The following CADPS variants were observed in gnomAD, a reference collection of about 807,000 sequenced individuals.
CADPS encodes calcium dependent secretion activator.
Under a neutral mutation model 167.3 loss-of-function variants are expected in CADPS, and 57 were observed. That is an observed-to-expected ratio of 0.34 (90% confidence interval 0.28 to 0.42). CADPS has a LOEUF of 0.42. CADPS is among the 20% of genes least tolerant of loss of function. The pLI, the probability that CADPS is intolerant of heterozygous loss-of-function variation, is 1.00. For synonymous variants in CADPS, 676 were observed against 635.3 expected (o/e 1.06, Z -0.96); for missense variants, 1,414 against 1,738.1 (o/e 0.81, Z 3.32).
At chr3:62,610,126 A>C (rs1424488949) in intron 6 of CADPS, among the ~76,000 whole-genome samples, 3 of 152,034 alleles carry the variant, frequency 2.0e-5, no homozygotes, top group Admixed American at 1.3e-4. Context: ...AAAAAACAAC[A>C]AAAAACAAAC....
In CADPS at chr3:62,514,120, T is replaced by A. The variant is rs2068457824; in HGVS notation, c.2582-1352A>T. Among the ~76,000 whole-genome samples the A allele has an allele frequency of 6.6e-6, 1 of 152,090 alleles. No individual in the cohort carries two copies. Among genetic ancestry groups the A allele is most frequent in the African/African-American group, 2.4e-5 (1 of 41,442 alleles). Reference sequence around the variant, plus strand: ...ACAACTTCTTTCCAGAATTCTCAGATAACAAAGCTGTTAATTCTCACAGAG... The same window carrying A: ...ACAACTTCTTTCCAGAATTCTCAGAAAACAAAGCTGTTAATTCTCACAGAG... On this transcript the variant is annotated intron_variant, in intron 16 of 29. Transcript: ENST00000383710. This position sits in a 1 kb window ranked among gnomAD's most constrained non-coding sequence, Gnocchi z 4.2.
chr3:62,472,564 G>C (rs571634012), intron 24 of CADPS, among the ~76,000 whole-genome samples: 7 of 152,172 alleles, frequency 4.6e-5, no homozygotes, highest in Non-Finnish European at 7.4e-5. Context: ...GCAGAGCAGA[G>C]GGCCACCTGG....
chr3:62,511,714 C>G (rs1577036929), intron 17 of CADPS, among the ~76,000 whole-genome samples: 1 of 151,952 alleles, frequency 6.6e-6, no homozygotes, highest in Admixed American at 6.6e-5. Context: ...TCTGACAATG[C>G]CCCATCCCTT....
intron 8 of CADPS, among the ~76,000 whole-genome samples, chr3:62,573,108 T>C (rs548809673): frequency 6.6e-6 from 1 of 152,242 alleles, no homozygotes; most frequent in Admixed American, 6.5e-5. Flanking sequence ...TCTCGAACTC[T>C]TGACCTCAGG....
intron 20 of CADPS, among the ~76,000 whole-genome samples, chr3:62,491,873 G>C (rs2063802543): frequency 6.6e-6 from 1 of 151,960 alleles, no homozygotes; most frequent in Non-Finnish European, 1.5e-5. Flanking sequence ...CACCCTCCCT[G>C]GGGAGGAAGG....
At chr3:62,644,653 T>G (rs1403625097) in intron 6 of CADPS, among the ~76,000 whole-genome samples, 1 of 152,202 alleles carries the variant, frequency 6.6e-6, no homozygotes, top group East Asian at 1.9e-4. Context: ...TGGCCTCTTT[T>G]GAATTTCTCC....
At chr3:62,659,544 C>A (rs2072629655) in intron 4 of CADPS, among the ~76,000 whole-genome samples, 1 of 152,106 alleles carries the variant, frequency 6.6e-6, no homozygotes, top group Non-Finnish European at 1.5e-5. Context: ...GACTCTGTCT[C>A]TGTTTCTATG....
At chr3:62,648,816 G>A (rs1273451081) in intron 5 of CADPS, among the ~76,000 whole-genome samples, 1 of 152,046 alleles carries the variant, frequency 6.6e-6, no homozygotes, top group African/African-American at 2.4e-5. Context: ...ACCTTTAATT[G>A]GCAATAATCA....
intron 28 of CADPS, among the ~76,000 whole-genome samples, chr3:62,419,475 G>A (rs866624829): frequency 8.5e-5 from 13 of 152,244 alleles, no homozygotes; most frequent in East Asian, 3.9e-4. Context: ...CTTTCAAGTC[G>A]TCTCAATCTT....
intron 6 of CADPS, among the ~76,000 whole-genome samples, chr3:62,619,146 GC>G (rs1457626627): frequency 1.3e-5 from 2 of 152,306 alleles, no homozygotes; most frequent in African/African-American, 4.8e-5. Flanking sequence ...AGATTGTATG[GC>G]TTGCAAAGTT....
intron 13 of CADPS, among the ~76,000 whole-genome samples, chr3:62,519,149 C>T (rs906011734): frequency 6.6e-6 from 1 of 152,180 alleles, no homozygotes; most frequent in African/African-American, 2.4e-5. Context: ...CCATTCAAAG[C>T]CTTCAGCTTC....
In CADPS at chr3:62,621,513, G is replaced by A. The variant is rs540966224; in HGVS notation, c.1325+24209C>T. 2.0e-5 allele frequency among the ~76,000 whole-genome samples: 3 copies of A among 152,074 alleles called. No homozygotes were observed. The East Asian group carries it at 5.8e-4, about 29-fold the overall frequency. On this transcript the variant is annotated intron_variant, in intron 6 of 29. Coordinates refer to ENST00000383710, the MANE Select transcript of CADPS (RefSeq NM_003716.4). ...TTTTGTAATTTTAAAACTTAATGTGGTATATGTATACATATTTATGGGGTA... is the reference window on the plus strand; with the variant it reads ...TTTTGTAATTTTAAAACTTAATGTGATATATGTATACATATTTATGGGGTA...
intron 8 of CADPS, 53 bp downstream of exon 8, chr3:62,585,132 G>T (rs994016290): frequency 1.9e-6 from 3 of 1,540,134 alleles, no homozygotes; most frequent in African/African-American, 1.4e-5. Context: ...TTTTCATTTT[G>T]AGAAATGAAC....
chr3:62,707,311 C>T (rs2082496229), intron 3 of CADPS, among the ~76,000 whole-genome samples: 1 of 152,006 alleles, frequency 6.6e-6, no homozygotes. Context: ...CAGTTTCATC[C>T]CAAAGCCATC....
intron 18 of CADPS, among the ~76,000 whole-genome samples, chr3:62,497,198 T>G (rs1444870744): frequency 6.6e-6 from 1 of 152,220 alleles, no homozygotes; most frequent in Non-Finnish European, 1.5e-5. Flanking sequence ...TTGAGCAATT[T>G]AGAAAAATAT....
At chr3:62,832,106 T>C (rs961932460) in intron 1 of CADPS, among the ~76,000 whole-genome samples, 9 of 152,316 alleles carry the variant, frequency 5.9e-5, no homozygotes, top group South Asian at 4.1e-4. Context: ...ACCTATTGGG[T>C]TAAGAGTTAT....
At position 62,467,313 on chromosome 3, in the gene CADPS, C is replaced by T. The variant is rs1233688738; in HGVS notation, c.3478-900G>A. 2.4e-6 allele frequency: 3 copies of T among 1,257,604 alleles called. No individual in the cohort carries two copies. The South Asian group carries it at 4.0e-5, about 17-fold the overall frequency. 77.9% of individuals were successfully genotyped at this position (1,257,604 alleles called of 1,614,324 possible). A position where few individuals can be genotyped will look rare whatever the true frequency, so the allele number is the denominator to read the frequency against. On this transcript the variant is annotated intron_variant, in intron 24 of 29. Coordinates refer to ENST00000383710, the MANE Select transcript of CADPS (RefSeq NM_003716.4). Reference sequence around the variant, plus strand: ...ATGCACTTACCCACATTTTAGCAAACTTTCAGAAGGATGATTAATTAGGAA... The same window carrying T: ...ATGCACTTACCCACATTTTAGCAAATTTTCAGAAGGATGATTAATTAGGAA...
At chr3:62,633,795 A>G (rs1332484998) in intron 6 of CADPS, among the ~76,000 whole-genome samples, 1 of 152,176 alleles carries the variant, frequency 6.6e-6, no homozygotes, top group East Asian at 1.9e-4. Context: ...GCTGAGGATT[A>G]AAAATGAACA....
intron 3 of CADPS, among the ~76,000 whole-genome samples, chr3:62,667,004 C>G (rs1341688639): frequency 6.7e-6 from 1 of 148,464 alleles, no homozygotes; most frequent in Non-Finnish European, 1.5e-5. Flanking sequence ...CTGCATTGTC[C>G]AAGGGAAGTC....
Sources: gnomAD v4.1 joint callset for allele counts (sites outside exome capture counted in the v4.1 genomes callset) on GRCh38, gnomAD v4.1.1 for gene constraint, Gnocchi (gnomAD v3.1) non-coding constraint, MANE v1.5 for transcripts, NCBI Gene and HGNC (gene_info 2026-07-23, HGNC 2026-07-21) for gene names.